The following CTNNA3 variants were observed in gnomAD, a reference collection of about 807,000 sequenced individuals.
CTNNA3 encodes the protein catenin alpha-3.
A neutral mutation model predicts 95.7 loss-of-function variants in CTNNA3; 76 were observed. That is an observed-to-expected ratio of 0.79 (90% CI 0.66 to 0.96). The LOEUF is 0.96. Among genes scored for constraint, CTNNA3 ranks in the 40% least tolerant of loss-of-function variants. The probability of loss-of-function intolerance (pLI) is 0.00; values close to 1 mark genes in which losing one functional copy is unlikely to be tolerated. For missense variants in CTNNA3, 1,191 were observed against 1,089.8 expected (o/e 1.09, Z -1.31); for synonymous variants, 431 against 374.4 (o/e 1.15, Z -1.74).
intron 13 of CTNNA3, among the ~76,000 whole-genome samples, chr10:66,174,184 T>A (rs1027145103): frequency 4.6e-5 from 7 of 152,290 alleles, no homozygotes; most frequent in Admixed American, 3.9e-4. Flanking sequence ...GATTGGAATT[T>A]TAGTCTAAGG....
At chr10:66,897,600 G>A (rs1042952940) in intron 7 of CTNNA3, among the ~76,000 whole-genome samples, 1 of 151,970 alleles carries the variant, frequency 6.6e-6, no homozygotes, top group African/African-American at 2.4e-5. Flanking sequence ...TAAGGACAAT[G>A]AAAAATGCAA....
chr10:66,327,240 T>C (rs1002436418), intron 12 of CTNNA3, among the ~76,000 whole-genome samples: 1 of 152,078 alleles, frequency 6.6e-6, no homozygotes, highest in African/African-American at 2.4e-5. Context: ...CAACTGTGAA[T>C]GTTCAAATAG....
chr10:66,892,032 G>C (rs1314276308), intron 7 of CTNNA3, among the ~76,000 whole-genome samples: 1 of 151,928 alleles, frequency 6.6e-6, no homozygotes, highest in African/African-American at 2.4e-5. Context: ...TTTGCCTATT[G>C]TATAATAATC....
intron 1 of CTNNA3, among the ~76,000 whole-genome samples, chr10:67,758,759 C>T (rs921821826): frequency 9.6e-5 from 7 of 72,678 alleles, no homozygotes; most frequent in Non-Finnish European, 2.2e-4. Context: ...TGCCCTTCGA[C>T]ATCTGATTTG....
chr10:66,765,915 T>C (rs1240591115), intron 9 of CTNNA3, among the ~76,000 whole-genome samples: 1 of 152,150 alleles, frequency 6.6e-6, no homozygotes, highest in Non-Finnish European at 1.5e-5. Context: ...GACAGAGTAA[T>C]GCAGCTACAA....
intron 5 of CTNNA3, among the ~76,000 whole-genome samples, chr10:67,249,290 A>C (rs1866017002): frequency 1.3e-5 from 2 of 152,156 alleles, no homozygotes; most frequent in South Asian, 4.2e-4. Context: ...CATAGACATT[A>C]CTCCAAAGAC....
intron 5 of CTNNA3, among the ~76,000 whole-genome samples, chr10:67,381,328 T>C (rs558804632): frequency 6.6e-6 from 1 of 152,310 alleles, no homozygotes; most frequent in African/African-American, 2.4e-5. Context: ...AAACATTCTC[T>C]ATAAATTCAA....
At chr10:66,750,683 G>C (rs1417492281) in intron 9 of CTNNA3, among the ~76,000 whole-genome samples, 1 of 152,154 alleles carries the variant, frequency 6.6e-6, no homozygotes, top group Non-Finnish European at 1.5e-5. Context: ...TCAATATTGA[G>C]TTGGCTATTC....
intron 14 of CTNNA3, among the ~76,000 whole-genome samples, chr10:66,096,105 T>C (rs2081377024): frequency 6.6e-6 from 1 of 152,198 alleles, no homozygotes; most frequent in Non-Finnish European, 1.5e-5. Flanking sequence ...TTGTTTTTAA[T>C]GTTCTATTCA....
intron 3 of CTNNA3, among the ~76,000 whole-genome samples, chr10:67,560,978 A>T (rs1841486963): frequency 1.3e-5 from 2 of 152,070 alleles, no homozygotes; most frequent in South Asian, 4.2e-4. Flanking sequence ...GAGGCCACAG[A>T]TTAATAAAGC....
intron 5 of CTNNA3, among the ~76,000 whole-genome samples, chr10:67,369,957 T>C (rs1359578156): frequency 2.0e-5 from 3 of 152,214 alleles, no homozygotes; most frequent in African/African-American, 7.2e-5. Context: ...TCTGAGAATT[T>C]ATCCTACAAA....
At chr10:66,146,724 T>C (rs564543917) in intron 13 of CTNNA3, among the ~76,000 whole-genome samples, 6 of 152,028 alleles carry the variant, frequency 3.9e-5, no homozygotes, top group Non-Finnish European at 7.4e-5. Context: ...GCCCAGCTAA[T>C]TTTTGTATTT....
At chr10:67,608,821 T>C (rs771463199) in intron 2 of CTNNA3, among the ~76,000 whole-genome samples, 6 of 152,162 alleles carry the variant, frequency 3.9e-5, no homozygotes, top group Non-Finnish European at 7.4e-5. Context: ...CCAGGGGCAG[T>C]GGCTCATACC....
chr10:67,672,014 A>C (rs1840445147), intron 1 of CTNNA3, among the ~76,000 whole-genome samples: 1 of 152,088 alleles, frequency 6.6e-6, no homozygotes, highest in Non-Finnish European at 1.5e-5. Flanking sequence ...CATCCTCTCC[A>C]GCACCTGTTG....
At chr10:66,955,686 C>T (rs1848752854) in intron 7 of CTNNA3, among the ~76,000 whole-genome samples, 1 of 152,156 alleles carries the variant, frequency 6.6e-6, no homozygotes, top group Admixed American at 6.6e-5. Flanking sequence ...CTGAGGCCAC[C>T]TATCTAGACT....
intron 9 of CTNNA3, among the ~76,000 whole-genome samples, chr10:66,738,493 T>C (rs184792387): frequency 6.9e-4 from 105 of 152,342 alleles, no homozygotes; most frequent in African/African-American, 2.3e-3. Flanking sequence ...TTTCTGGTTC[T>C]TTATTGAAAA....
intron 12 of CTNNA3, among the ~76,000 whole-genome samples, chr10:66,370,311 A>G (rs1330316583): frequency 6.6e-6 from 1 of 152,188 alleles, no homozygotes; most frequent in African/African-American, 2.4e-5. Context: ...CTATTCATAC[A>G]TGAAATAGAT....
At position 65,966,753 on chromosome 10, in the gene CTNNA3, A is replaced by G; in HGVS notation, c.2266-7T>C. On this transcript the variant is annotated splice_polypyrimidine_tract_variant and splice_region_variant and intron_variant, in intron 16 of 17. Transcript: ENST00000433211. ...TACAAGATGGATCTGGGCACTAAAT[A>G]TGAATCAAAGATAAAAATAGATACA... 6.2e-7 allele frequency: 1 copy of G among 1,601,094 alleles called. No individual in the cohort carries two copies. The highest frequency in any genetic ancestry group is 1.7e-5 in the Admixed American group (1 of 59,674).
chr10:65,994,533 G>T (rs74456850), intron 15 of CTNNA3, among the ~76,000 whole-genome samples: 2,365 of 151,844 alleles, frequency 0.016, 68 homozygotes, highest in African/African-American at 0.054. Context: ...TTTTAATAAG[G>T]TTTCCTTTAT....
Sources: gnomAD v4.1 joint callset for allele counts (sites outside exome capture counted in the v4.1 genomes callset) on GRCh38, gnomAD v4.1.1 for gene constraint, MANE v1.5 for transcripts, NCBI Gene and HGNC (gene_info 2026-07-23, HGNC 2026-07-21) for gene names.